Variants in UST observed in about 807,000 individuals in gnomAD.
UST encodes the protein chondroitin sulfate 2-O-sulfotransferase.
A neutral mutation model predicts 45.6 loss-of-function variants in UST; 21 were observed. The ratio of observed to expected loss-of-function variants is 0.46; its 90% CI spans 0.33 to 0.66. The LOEUF (loss-of-function observed/expected upper bound fraction) is 0.66, where lower values mean the gene tolerates loss of function less well. Ranked by LOEUF, UST falls within the 30% of genes least tolerant of loss-of-function variation. UST has a pLI of 0.02. For missense variants in UST, 463 were observed against 512.4 expected (o/e 0.90, Z 0.93); for synonymous variants, 215 against 200.6 (o/e 1.07, Z -0.61).
chr6:148,761,566 C>T (rs777819457), intron 1 of UST, among the ~76,000 whole-genome samples: 1 of 151,024 alleles, frequency 6.6e-6, no homozygotes, highest in Non-Finnish European at 1.5e-5. Flanking sequence ...GATTTAGATA[C>T]TTCAAGAGGA....
chr6:148,868,454 AGT>A (rs1778487573), intron 1 of UST, among the ~76,000 whole-genome samples: 2 of 132,550 alleles, frequency 1.5e-5, no homozygotes, highest in African/African-American at 5.0e-5. Flanking sequence ...GTGATTCAAA[AGT>A]GAGTGACTCA....
intron 1 of UST, among the ~76,000 whole-genome samples, chr6:148,872,076 G>A (rs1162129981): frequency 1.3e-5 from 2 of 152,128 alleles, no homozygotes; most frequent in East Asian, 1.9e-4. Flanking sequence ...CGTGCATGTC[G>A]CGGGTGAAAT....
intron 5 of UST, among the ~76,000 whole-genome samples, chr6:148,989,055 G>A (rs7753129): frequency 0.051 from 7,834 of 152,170 alleles, 657 homozygotes; most frequent in African/African-American, 0.18. Context: ...CAGCCAATAA[G>A]AATGAGATAA....
At chr6:149,052,544 A>G (rs989976759) in intron 7 of UST, among the ~76,000 whole-genome samples, 10 of 152,122 alleles carry the variant, frequency 6.6e-5, no homozygotes, top group Non-Finnish European at 4.4e-5. Flanking sequence ...TGAACATTCA[A>G]CCCAGGCCCA....
chr6:149,060,983 A>T (rs1177199047), intron 7 of UST, among the ~76,000 whole-genome samples: 2 of 152,194 alleles, frequency 1.3e-5, no homozygotes, highest in African/African-American at 4.8e-5. Flanking sequence ...GGTTAAAACA[A>T]GTGCAGATTG....
intron 1 of UST, among the ~76,000 whole-genome samples, chr6:148,885,379 A>C (rs1203064926): frequency 6.6e-6 from 1 of 152,082 alleles, no homozygotes; most frequent in Admixed American, 6.5e-5. Flanking sequence ...ACAGGCAGCT[A>C]TTTTTCTGAA....
chr6:148,941,562 T>C (rs759221447), intron 3 of UST, 128 bp downstream of exon 3: 25 of 1,158,508 alleles, frequency 2.2e-5, no homozygotes, highest in African/African-American at 7.9e-5. Flanking sequence ...TCATGCTGTA[T>C]TTTTGCCAGA....
At chr6:149,029,905 TGTGTG>T (rs1776114100) in intron 7 of UST, among the ~76,000 whole-genome samples, 3 of 146,358 alleles carry the variant, frequency 2.0e-5, no homozygotes, top group African/African-American at 5.1e-5. Flanking sequence ...TGTGTGTGTG[TGTGTG>T]GTGTGTGCAC....
chr6:148,868,689 G>T (rs972732355), intron 1 of UST, among the ~76,000 whole-genome samples: 3 of 152,082 alleles, frequency 2.0e-5, no homozygotes, highest in Non-Finnish European at 4.4e-5. Context: ...CCCTGCCAGG[G>T]TTTTGAAAAT....
chr6:148,907,902 CTTTTTTTTTTTT>C (rs67488239), intron 2 of UST, among the ~76,000 whole-genome samples: 1 of 68,210 alleles, frequency 1.5e-5, no homozygotes, highest in Non-Finnish European at 2.5e-5. Context: ...GTTTCCAGGG[CTTTTTTTTTTTT>C]TTTTTTTTTT....
intron 1 of UST, among the ~76,000 whole-genome samples, chr6:148,787,365 A>G (rs939826724): frequency 5.3e-5 from 8 of 152,140 alleles, no homozygotes; most frequent in African/African-American, 1.7e-4. Context: ...TGATTTTTGT[A>G]TATGGTGTAA....
intron 1 of UST, among the ~76,000 whole-genome samples, chr6:148,883,969 T>TA (rs1778868929): frequency 6.6e-6 from 1 of 152,032 alleles, no homozygotes; most frequent in Non-Finnish European, 1.5e-5. Flanking sequence ...CTGTCTCTAC[T>TA]AAAAATACAA....
At position 149,028,139 on chromosome 6, in the gene UST, C is replaced by T. The variant is rs1160153819; in HGVS notation, c.937+6658C>T. Reference sequence around the variant, plus strand: ...GATTACTGGCGTGATCCACCGCGCCCGGCCTAGTATGTCATAATGATTAGA... The same window carrying T: ...GATTACTGGCGTGATCCACCGCGCCTGGCCTAGTATGTCATAATGATTAGA... On this transcript the variant is annotated intron_variant, in intron 7 of 7. Transcript: ENST00000367463. Among the ~76,000 whole-genome samples the T allele has an allele frequency of 2.0e-5, 3 of 152,040 alleles. No individual in the cohort carries two copies. The East Asian group carries it at 5.8e-4, about 29-fold the overall frequency.
intron 1 of UST, among the ~76,000 whole-genome samples, chr6:148,868,841 G>T (rs1013512921): frequency 6.6e-6 from 1 of 152,136 alleles, no homozygotes; most frequent in South Asian, 2.1e-4. Context: ...TGACTACTTG[G>T]AAGATGTTTT....
chr6:148,785,768 GA>G (rs1180504707), intron 1 of UST, among the ~76,000 whole-genome samples: 2 of 151,926 alleles, frequency 1.3e-5, no homozygotes, highest in African/African-American at 2.4e-5. Flanking sequence ...AGATGTTGAG[GA>G]AAAAAATGCT....
rs192048406 is a variant in UST, at chr6:148,990,364, A to C, written c.681+25801A>C. 9 of 984,292 alleles carry C rather than the reference A, an allele frequency of 9.1e-6. No individual in the cohort carries two copies. The East Asian group carries it at 9.1e-4, about 99-fold the overall frequency. The allele number at this position is 984,292 out of a possible 1,614,324, so 61.0% of individuals were successfully genotyped here. A position where few individuals can be genotyped will look rare whatever the true frequency, so the allele number is the denominator to read the frequency against. On this transcript the variant is annotated intron_variant, in intron 5 of 7. Coordinates refer to ENST00000367463, the MANE Select transcript of UST (RefSeq NM_005715.3). ...TGCCATGAGATCTTTCTTTCTTTTA[A>C]ATCCAAATAGTTAAGCAGATCAACC...
chr6:149,014,668 C>T (rs1775868009), intron 5 of UST, among the ~76,000 whole-genome samples: 1 of 152,110 alleles, frequency 6.6e-6, no homozygotes, highest in Non-Finnish European at 1.5e-5. Context: ...GAAACCTGGG[C>T]CTGCTATTGA....
At chr6:149,069,149 A>G (rs1385718266) in intron 7 of UST, among the ~76,000 whole-genome samples, 1 of 152,228 alleles carries the variant, frequency 6.6e-6, no homozygotes, top group East Asian at 1.9e-4. Context: ...TGATGGACAC[A>G]GGTTGATTCC....
intron 4 of UST, among the ~76,000 whole-genome samples, chr6:148,956,766 T>G (rs575557100): frequency 6.6e-6 from 1 of 152,208 alleles, no homozygotes; most frequent in East Asian, 1.9e-4. Flanking sequence ...GATTACCTTC[T>G]CTCTTCTATA....
Sources: allele counts gnomAD v4.1 joint callset (sites outside exome capture counted in the v4.1 genomes callset), GRCh38; gene constraint gnomAD v4.1.1; transcripts MANE v1.5; gene names NCBI Gene and HGNC (gene_info 2026-07-23, HGNC 2026-07-21).